Variants in STK32C observed in about 807,000 individuals in gnomAD.
The protein encoded by STK32C is serine/threonine kinase 32C.
Under a neutral mutation model 56.5 loss-of-function variants are expected in STK32C, and 31 were observed. The observed-to-expected ratio is 0.55, with a 90% CI of 0.41 to 0.74. The LOEUF is 0.74. Among genes scored for constraint, STK32C ranks in the 30% least tolerant of loss-of-function variants. The probability of loss-of-function intolerance (pLI) is 0.00; values close to 1 mark genes in which losing one functional copy is unlikely to be tolerated. For missense variants in STK32C, 544 were observed against 676.9 expected (o/e 0.80, Z 2.18); for synonymous variants, 309 against 289.4 (o/e 1.07, Z -0.69).
chr10:132,289,615 G>A (rs1467950935), intron 1 of STK32C, among the ~76,000 whole-genome samples: 1 of 152,216 alleles, frequency 6.6e-6, no homozygotes, highest in African/African-American at 2.4e-5. Context: ...GCTGGGAAGT[G>A]TAAGATCAAA....
At chr10:132,234,106 T>C (rs2063192049) in intron 2 of STK32C, among the ~76,000 whole-genome samples, 1 of 152,222 alleles carries the variant, frequency 6.6e-6, no homozygotes, top group Non-Finnish European at 1.5e-5. Context: ...TGTGGCCTCG[T>C]GGACTCTCCC....
chr10:132,211,065 C>T (rs1308098934), intron 10 of STK32C, among the ~76,000 whole-genome samples: 1 of 152,210 alleles, frequency 6.6e-6, no homozygotes, highest in African/African-American at 2.4e-5. Context: ...TCTCTCCCTC[C>T]AGGCTTTGCC....
At chr10:132,238,364 C>G (rs1273383136) in intron 2 of STK32C, among the ~76,000 whole-genome samples, 1 of 152,160 alleles carries the variant, frequency 6.6e-6, no homozygotes. Context: ...TAGTTACCAA[C>G]AGGAGGAGGG....
intron 1 of STK32C, among the ~76,000 whole-genome samples, chr10:132,330,959 T>TTTG (rs2066679773): frequency 6.6e-6 from 1 of 150,828 alleles, no homozygotes; most frequent in Non-Finnish European, 1.5e-5. Context: ...TCCCAGCACT[T>TTTG]TGGGAGGCCG....
rs370703352 is a variant in STK32C, at chr10:132,282,714, C to T, written c.262+24858G>A. On this transcript the variant is annotated intron_variant, in intron 1 of 11. Coordinates refer to ENST00000298630, the MANE Select transcript of STK32C (RefSeq NM_173575.4). ...ATTAAGGAAGCCGACACAAAGCATC[C>T]GATCACCCAGCTGTCTGAGTAGGCT... is the stretch of plus-strand genomic sequence containing the variant. 7.2e-5 allele frequency among the ~76,000 whole-genome samples: 11 copies of T among 152,362 alleles called. No homozygotes were observed. The East Asian group carries it at 7.7e-4, about 11-fold the overall frequency.
chr10:132,225,176 T>TG (rs1329734215), intron 7 of STK32C, 57 bp downstream of exon 7: 9 of 1,429,718 alleles, frequency 6.3e-6, no homozygotes, highest in Non-Finnish European at 8.6e-6. Context: ...CCAGCACTGG[T>TG]GGGGGCAGAG....
chr10:132,215,581 G>T (rs952387711), intron 10 of STK32C, among the ~76,000 whole-genome samples: 1 of 151,508 alleles, frequency 6.6e-6, no homozygotes, highest in Non-Finnish European at 1.5e-5. Flanking sequence ...ATGATTGTGA[G>T]GCCTCCCCAG....
intron 3 of STK32C, among the ~76,000 whole-genome samples, chr10:132,227,257 G>C (rs1475312328): frequency 6.6e-6 from 1 of 152,268 alleles, no homozygotes; most frequent in Non-Finnish European, 1.5e-5. Context: ...GCCAGCTCCG[G>C]GTGCTTCAGG....
chr10:132,272,626 T>C lies in STK32C; in HGVS notation c.263-26671A>G, dbSNP rs540312850. Among the ~76,000 whole-genome samples, 109 of 152,316 alleles carry C rather than the reference T, an allele frequency of 7.2e-4. 1 individual carries two copies. Among genetic ancestry groups the C allele is most frequent in the Middle Eastern group, 6.8e-3 (2 of 294 alleles). Reference sequence around the variant, plus strand: ...GCGTTCCCAGACTCCGACCGCATCTTGCCCCTCCTCTGCTTCTGGCCACCG... The same window carrying C: ...GCGTTCCCAGACTCCGACCGCATCTCGCCCCTCCTCTGCTTCTGGCCACCG... On this transcript the variant is annotated intron_variant, in intron 1 of 11. Coordinates refer to ENST00000298630, the MANE Select transcript of STK32C (RefSeq NM_173575.4).
chr10:132,223,832 C>G (rs116087279), intron 8 of STK32C, among the ~76,000 whole-genome samples: 1 of 152,194 alleles, frequency 6.6e-6, no homozygotes, highest in African/African-American at 2.4e-5. Flanking sequence ...ATGCGAGGCT[C>G]GGAACAGGGA....
At chr10:132,234,175 C>T (rs1208940562) in intron 2 of STK32C, among the ~76,000 whole-genome samples, 1 of 152,168 alleles carries the variant, frequency 6.6e-6, no homozygotes. Context: ...TCTCCTCGCC[C>T]TGGGATCGAG....
At chr10:132,225,093 G>A (rs569972778) in intron 7 of STK32C, 140 bp downstream of exon 7, 90 of 664,658 alleles carry the variant, frequency 1.4e-4, no homozygotes, top group East Asian at 7.1e-4. Context: ...TACACACTTC[G>A]ATAAAAGCGT....
intron 1 of STK32C, among the ~76,000 whole-genome samples, chr10:132,278,406 AC>A (rs1172279520): frequency 6.6e-6 from 1 of 152,248 alleles, no homozygotes; most frequent in East Asian, 1.9e-4. Context: ...CCAGGAAGAT[AC>A]ACAGAACGCT....
chr10:132,224,371 C>T (rs554327105), intron 8 of STK32C, 36 bp downstream of exon 8: 7 of 1,481,494 alleles, frequency 4.7e-6, no homozygotes, highest in South Asian at 3.6e-5. Context: ...GAGGTGGGTG[C>T]TCGGAGGGTG....
At chr10:132,246,103 C>T (rs2063679400) in intron 1 of STK32C, 148 bp from the exon 2 acceptor site, 1 of 779,486 alleles carries the variant, frequency 1.3e-6, no homozygotes, top group Non-Finnish European at 2.2e-6. Flanking sequence ...CAAACTCTCG[C>T]TCCTGTGCGA....
At chr10:132,310,407 G>T (rs2066197984), upstream of STK32C, among the ~76,000 whole-genome samples, 1 of 152,226 alleles carries the variant, frequency 6.6e-6, no homozygotes, top group South Asian at 2.1e-4. This position sits in a 1 kb window ranked among gnomAD's most constrained non-coding sequence, Gnocchi z 4.6. Context: ...CACGGCTCAG[G>T]GTCCAGGCAA....
At chr10:132,243,394 T>A (rs1443327384) in intron 2 of STK32C, among the ~76,000 whole-genome samples, 1 of 150,174 alleles carries the variant, frequency 6.7e-6, no homozygotes, top group South Asian at 2.1e-4. Flanking sequence ...GAGGCGGGGG[T>A]GGAGAGTGGG....
In STK32C at chr10:132,234,953, T is replaced by C. The variant is rs571236960; in HGVS notation, c.319-6825A>G. Among the ~76,000 whole-genome samples, 3 of 152,256 alleles carry C rather than the reference T, an allele frequency of 2.0e-5. No homozygotes were observed. In the East Asian group the frequency reaches 5.8e-4, roughly 29 times the overall value. The stretch of plus-strand genomic sequence containing the variant: ...AAGGGACCTAGGGCAGGGATACACA[T>C]TGTACAGGGGGCACCAGACACACGG... On this transcript the variant is annotated intron_variant, in intron 2 of 11. Coordinates refer to ENST00000298630, the MANE Select transcript of STK32C (RefSeq NM_173575.4).
At chr10:132,225,075 T>C (rs1375304658) in intron 7 of STK32C, among the ~76,000 whole-genome samples, 158 bp downstream of exon 7, 1 of 152,118 alleles carries the variant, frequency 6.6e-6, no homozygotes, top group African/African-American at 2.4e-5. Flanking sequence ...AGGCATTCCA[T>C]CACCAACTAC....
Sources: gnomAD v4.1 joint callset for allele counts (sites outside exome capture counted in the v4.1 genomes callset) on GRCh38, gnomAD v4.1.1 for gene constraint, Gnocchi (gnomAD v3.1) non-coding constraint, MANE v1.5 for transcripts, NCBI Gene and HGNC (gene_info 2026-07-23, HGNC 2026-07-21) for gene names.